Variants in SAMD4A observed in about 807,000 individuals in gnomAD.
SAMD4A encodes the protein protein Smaug homolog 1.
In SAMD4A, 33 loss-of-function variants were observed where a neutral mutation model predicts 81.3. The observed-to-expected ratio is 0.41, with a 90% CI of 0.31 to 0.54. The LOEUF (loss-of-function observed/expected upper bound fraction) is 0.54, where lower values mean the gene tolerates loss of function less well. Among genes scored for constraint, SAMD4A ranks in the 20% least tolerant of loss-of-function variants. SAMD4A has a pLI of 0.37. For synonymous variants in SAMD4A, 389 were observed against 382.1 expected, an observed-to-expected ratio of 1.02 and a Z score of -0.21; for missense variants, 854 against 951.1, an observed-to-expected ratio of 0.90 and a Z score of 1.34.
intron 2 of SAMD4A, among the ~76,000 whole-genome samples, chr14:54,614,903 C>T (rs1222105064): frequency 6.6e-6 from 1 of 152,238 alleles, no homozygotes; most frequent in Admixed American, 6.5e-5. Context: ...CAGGATGGGA[C>T]CTGGTTCTTT....
intron 2 of SAMD4A, among the ~76,000 whole-genome samples, chr14:54,679,047 A>G (rs1159315630): frequency 3.9e-5 from 6 of 152,220 alleles, no homozygotes; most frequent in African/African-American, 1.4e-4. Context: ...AGACAGTTTG[A>G]ACACTTATGT....
At position 54,576,001 on chromosome 14, in the gene SAMD4A, CTTTTTTTTTTTTTTTTTTTTTTTTTT is replaced by C. The variant is rs57819180; in HGVS notation, c.196+7901_196+7926del. Among the ~76,000 whole-genome samples, 592 of 80,012 alleles carry C rather than the reference CTTTTTTTTTTTTTTTTTTTTTTTTTT, an allele frequency of 7.4e-3. 9 individuals are homozygous for C. The highest frequency in any genetic ancestry group is 0.029 in the African/African-American group (561 of 19,028). 52.5% of individuals were successfully genotyped at this position (80,012 alleles called of 152,430 possible). ...CCAGGAAAGATTTCTTTCTTTCTTTCTTTTTTTTTTTTTTTTTTTTTTTTTTTTTTTTTTTTTGCTGATGCTATGGG... is the reference window on the plus strand; with the variant it reads ...CCAGGAAAGATTTCTTTCTTTCTTTCTTTTTTTTTTTGCTGATGCTATGGG... On this transcript the variant is annotated intron_variant, in intron 2 of 12. Coordinates refer to ENST00000554335, the MANE Select transcript of SAMD4A (RefSeq NM_015589.6).
chr14:54,633,802 A>G (rs1470336725), intron 2 of SAMD4A, among the ~76,000 whole-genome samples: 3 of 152,172 alleles, frequency 2.0e-5, no homozygotes, highest in Non-Finnish European at 4.4e-5. Context: ...ACATTTTCAT[A>G]TGGTGGTTAT....
At chr14:54,664,154 G>A (rs1233030121) in intron 2 of SAMD4A, among the ~76,000 whole-genome samples, 1 of 152,204 alleles carries the variant, frequency 6.6e-6, no homozygotes, top group African/African-American at 2.4e-5. Context: ...TCTGTGGTCA[G>A]ATGGCTTTTC....
At chr14:54,777,409 G>A (rs999035246) in intron 11 of SAMD4A, among the ~76,000 whole-genome samples, 1 of 152,224 alleles carries the variant, frequency 6.6e-6, no homozygotes, top group African/African-American at 2.4e-5. Context: ...AGAGAGGGAA[G>A]GCAGAGTTAC....
chr14:54,760,102 G>A lies in SAMD4A; in HGVS notation c.1177-59G>A, dbSNP rs757509419. The A allele has an allele frequency of 8.4e-5, 130 of 1,547,260 alleles. No homozygotes were observed. The East Asian group carries it at 1.4e-3, about 16-fold the overall frequency. ...GCTCAGGGCAGGGGAGGGCAGGTAC[G>A]GGGGTGGATGACCCTTATTCCTGAG... On this transcript the variant is annotated intron_variant, in intron 6 of 12. Coordinates refer to ENST00000554335, the MANE Select transcript of SAMD4A (RefSeq NM_015589.6).
intron 11 of SAMD4A, among the ~76,000 whole-genome samples, chr14:54,781,395 ATCT>A (rs2038996268): frequency 6.6e-6 from 1 of 152,184 alleles, no homozygotes; most frequent in African/African-American, 2.4e-5. Flanking sequence ...CTCTTCCGGA[ATCT>A]TCTTGACCCT....
chr14:54,788,359 C>G (rs1292104413), intron 12 of SAMD4A, among the ~76,000 whole-genome samples: 1 of 152,110 alleles, frequency 6.6e-6, no homozygotes, highest in Admixed American at 6.5e-5. Context: ...CCTGGCTCTT[C>G]CACCCCATCT....
intron 8 of SAMD4A, among the ~76,000 whole-genome samples, chr14:54,766,385 T>G (rs1383804323): frequency 1.3e-5 from 2 of 151,876 alleles, no homozygotes; most frequent in African/African-American, 4.8e-5. Context: ...AGAGAAGGGG[T>G]GAGACAGAAA....
intron 2 of SAMD4A, among the ~76,000 whole-genome samples, chr14:54,608,350 T>C (rs1184304875): frequency 6.6e-6 from 1 of 152,234 alleles, no homozygotes; most frequent in East Asian, 1.9e-4. Context: ...CTCCAGTCTC[T>C]GTCTCAGTCC....
chr14:54,597,048 C>G (rs1382785773), intron 2 of SAMD4A, among the ~76,000 whole-genome samples: 2 of 151,158 alleles, frequency 1.3e-5, no homozygotes, highest in African/African-American at 4.9e-5. Context: ...AGAAAACAAA[C>G]AAAACACCAT....
At chr14:54,766,806 G>A (rs7147275) in intron 8 of SAMD4A, among the ~76,000 whole-genome samples, 24,096 of 152,158 alleles carry the variant, frequency 0.16, 2,124 homozygotes, top group African/African-American at 0.2. Context: ...GACAGAAATC[G>A]TGAGTCCTCC....
chr14:54,708,617 G>A (rs1454670374), intron 3 of SAMD4A, among the ~76,000 whole-genome samples: 1 of 152,174 alleles, frequency 6.6e-6, no homozygotes, highest in Non-Finnish European at 1.5e-5. Flanking sequence ...AAAAGCAGGG[G>A]AAGTAGTAAA....
chr14:54,701,124 G>C (rs572715716), intron 2 of SAMD4A: 1 of 151,996 alleles, frequency 6.6e-6, no homozygotes, highest in South Asian at 2.1e-4. Context: ...TCAGCGTCTG[G>C]AGTAGCTGGA....
intron 6 of SAMD4A, among the ~76,000 whole-genome samples, chr14:54,759,807 G>T (rs2038342415): frequency 6.6e-6 from 1 of 152,172 alleles, no homozygotes; most frequent in Non-Finnish European, 1.5e-5. Context: ...ACCCAACTTT[G>T]TTGTACAGCT....
At chr14:54,733,689 G>A (rs563281546) in intron 3 of SAMD4A, among the ~76,000 whole-genome samples, 7 of 152,216 alleles carry the variant, frequency 4.6e-5, no homozygotes, top group South Asian at 2.1e-4. Flanking sequence ...TGAATGAACC[G>A]TTAGCCATTG....
chr14:54,692,130 A>C (rs150433906), intron 2 of SAMD4A, among the ~76,000 whole-genome samples: 4 of 152,210 alleles, frequency 2.6e-5, no homozygotes, highest in Non-Finnish European at 5.9e-5. Flanking sequence ...AATTTTGTCT[A>C]TAAGTTGTTG....
chr14:54,585,170 T>C (rs1233262162), intron 2 of SAMD4A, among the ~76,000 whole-genome samples: 1 of 152,234 alleles, frequency 6.6e-6, no homozygotes, highest in Non-Finnish European at 1.5e-5. Flanking sequence ...GTCATTAATA[T>C]TTTAATGCAC....
At chr14:54,743,846 C>G (rs1013944208) in intron 4 of SAMD4A, among the ~76,000 whole-genome samples, 1 of 152,234 alleles carries the variant, frequency 6.6e-6, no homozygotes, top group Non-Finnish European at 1.5e-5. Context: ...AAGGCTGGAA[C>G]AGAGTTGGGC....
Sources: allele counts gnomAD v4.1 joint callset (sites outside exome capture counted in the v4.1 genomes callset), GRCh38; gene constraint gnomAD v4.1.1; transcripts MANE v1.5; gene names NCBI Gene and HGNC (gene_info 2026-07-23, HGNC 2026-07-21).